The following EFCAB8 variants were observed in gnomAD, a reference collection of about 807,000 sequenced individuals.
EFCAB8 encodes the protein EF-hand calcium-binding domain-containing protein 8.
A neutral mutation model predicts 116.3 loss-of-function variants in EFCAB8; 100 were observed. That is an observed-to-expected ratio of 0.86 (90% CI 0.73 to 1.02). The LOEUF (loss-of-function observed/expected upper bound fraction) is 1.02, where lower values mean the gene tolerates loss of function less well. Among genes scored for constraint, EFCAB8 ranks in the 50% least tolerant of loss-of-function variants. The pLI is 0.00. For missense variants in EFCAB8, 1,320 were observed against 1,416.9 expected (o/e 0.93, Z 1.10); for synonymous variants, 558 against 567.9 (o/e 0.98, Z 0.25).
intron 23 of EFCAB8, among the ~76,000 whole-genome samples, chr20:32,948,957 G>A (rs766297312): frequency 2.0e-4 from 31 of 152,012 alleles, no homozygotes; most frequent in Non-Finnish European, 4.0e-4. Flanking sequence ...ATGTCACTTC[G>A]ATTCAAAATT....
intron 14 of EFCAB8, among the ~76,000 whole-genome samples, chr20:32,909,152 G>A (rs1363079531): frequency 6.6e-6 from 1 of 152,194 alleles, no homozygotes; most frequent in Non-Finnish European, 1.5e-5. Context: ...CACCCTGGTC[G>A]GTGACATGTG....
intron 4 of EFCAB8, among the ~76,000 whole-genome samples, chr20:32,878,075 G>A (rs889171456): frequency 1.3e-5 from 2 of 152,096 alleles, no homozygotes; most frequent in Admixed American, 1.3e-4. Context: ...AGACCAGCCT[G>A]GGCAACATGG....
chr20:32,938,534 A>G (rs1568941119), intron 22 of EFCAB8, among the ~76,000 whole-genome samples: 2 of 149,928 alleles, frequency 1.3e-5, no homozygotes, highest in African/African-American at 5.0e-5. Context: ...ATAATCTTAT[A>G]TCTAGAAAAT....
intron 22 of EFCAB8, among the ~76,000 whole-genome samples, chr20:32,934,714 T>C (rs1263015382): frequency 6.6e-6 from 1 of 152,176 alleles, no homozygotes; most frequent in African/African-American, 2.4e-5. Flanking sequence ...AGAGATATGA[T>C]GGCTTTATAA....
chr20:32,960,146 C>T lies in EFCAB8; in HGVS notation c.3378C>T (p.Gly1126=). ...TRFLSTRVPY[G]WMKHQISPQV... Reference sequence around the variant, plus strand: ...TCCTGTCCACCAGGGTGCCATATGGCTGGATGAAGCATCAGGTAAGGTGGG... The same window carrying T: ...TCCTGTCCACCAGGGTGCCATATGGTTGGATGAAGCATCAGGTAAGGTGGG... Residue 1126 remains glycine (G), a synonymous_variant, in exon 26 of 27, where the codon GGC becomes GGT. Transcript: ENST00000400522. 6.4e-7 allele frequency: 1 copy of T among 1,551,684 alleles called. No homozygotes were observed. The highest frequency in any genetic ancestry group is 8.7e-7 in the Non-Finnish European group (1 of 1,146,982).
At chr20:32,947,712 G>A (rs548688078) in intron 23 of EFCAB8, among the ~76,000 whole-genome samples, 87 of 151,888 alleles carry the variant, frequency 5.7e-4, no homozygotes, top group Non-Finnish European at 5.2e-4. Context: ...CAGTAGTAAC[G>A]GGGAAATTTG....
At chr20:32,920,236 G>T in intron 20 of EFCAB8, 21 bp downstream of exon 20, 1 of 1,551,366 alleles carries the variant, frequency 6.4e-7, no homozygotes, top group South Asian at 1.2e-5. Flanking sequence ...ATCAGCCAGG[G>T]AGAGGGATAT....
intron 3 of EFCAB8, among the ~76,000 whole-genome samples, chr20:32,874,538 A>C (rs949675713): frequency 6.7e-6 from 1 of 148,738 alleles, no homozygotes; most frequent in Admixed American, 6.7e-5. Flanking sequence ...TTCTACTTTT[A>C]TTTTCTTTCC....
At chr20:32,896,293 C>T (rs1466105985) in intron 9 of EFCAB8, among the ~76,000 whole-genome samples, 161 bp from the exon 10 acceptor site, 1 of 152,014 alleles carries the variant, frequency 6.6e-6, no homozygotes, top group Admixed American at 6.6e-5. Context: ...GCACTCCGCT[C>T]AGCTCACCAG....
chr20:32,859,740 C>T (rs370895375), intron 1 of EFCAB8, among the ~76,000 whole-genome samples: 4 of 152,254 alleles, frequency 2.6e-5, no homozygotes, highest in African/African-American at 7.2e-5. Flanking sequence ...TGCCCTTTTA[C>T]CCCTAAATAC....
Position 32,961,293 on chromosome 20 carries a change from C to T in EFCAB8, c.3551C>T (p.Ala1184Val). The change falls in exon 27 of 27, where the codon GCT becomes GTT. Residue 1184 changes from alanine to valine, a missense_variant. Physicochemically the swap from Ala to Val is moderately conservative, Grantham distance 64. Transcript: ENST00000400522. ...QKDLVPSREQAVLDTTDSTPA... is the reference protein window; with the variant it reads ...QKDLVPSREQVVLDTTDSTPA... ...GACCTGGTGCCCAGCAGGGAGCAGG[C>T]TGTGCTGGATACCACGGACAGCACG... is the stretch of plus-strand genomic sequence containing the variant. The T allele has an allele frequency of 6.5e-7, 1 of 1,547,068 alleles. No homozygotes were observed.
At chr20:32,870,529 C>T (rs986643244) in intron 3 of EFCAB8, among the ~76,000 whole-genome samples, 1 of 152,084 alleles carries the variant, frequency 6.6e-6, no homozygotes, top group Admixed American at 6.6e-5. Flanking sequence ...GACAGGGTCT[C>T]GCTTGGTTGC....
At chr20:32,923,258 G>C (rs1177056097) in intron 20 of EFCAB8, among the ~76,000 whole-genome samples, 1 of 151,992 alleles carries the variant, frequency 6.6e-6, no homozygotes, top group Non-Finnish European at 1.5e-5. Context: ...GGCTGAGGTG[G>C]GCAGATTGCC....
At chr20:32,928,245 T>TA (rs900031276) in intron 20 of EFCAB8, among the ~76,000 whole-genome samples, 57 of 140,996 alleles carry the variant, frequency 4.0e-4, no homozygotes, top group African/African-American at 1.4e-3. Flanking sequence ...TTTTTATTTT[T>TA]TTTTTTTTGA....
intron 23 of EFCAB8, among the ~76,000 whole-genome samples, chr20:32,953,410 TC>T (rs532176620): frequency 6.6e-5 from 10 of 152,218 alleles, no homozygotes; most frequent in Non-Finnish European, 1.2e-4. Context: ...CATACTGTTT[TC>T]CATAGCACAT....
rs184152098 is a variant in EFCAB8, at chr20:32,961,249, G to A, written c.3507G>A (p.Val1169=). ...PDQQDQHIRL[V]AHHVQKDLVP... ...AGCAAGACCAGCACATCCGCCTGGT[G>A]GCCCACCATGTCCAGAAGGACCTGG... is the stretch of plus-strand genomic sequence containing the variant. The change falls in exon 27 of 27, where the codon GTG becomes GTA. Residue 1169 remains valine, a synonymous_variant. Transcript: ENST00000400522. 1.7e-5 allele frequency: 26 copies of A among 1,551,558 alleles called. No individual in the cohort carries two copies. In the East Asian group the frequency reaches 6.4e-4, roughly 38 times the overall value.
At chr20:32,924,137 T>A (rs529293159) in intron 20 of EFCAB8, among the ~76,000 whole-genome samples, 1 of 152,294 alleles carries the variant, frequency 6.6e-6, no homozygotes, top group African/African-American at 2.4e-5. Flanking sequence ...CATTGTAGCC[T>A]CCACTTCCCA....
chr20:32,961,340 TCTTC>T lies in EFCAB8; in HGVS notation c.3602_3605del (p.Ser1201CysfsTer20). ...CACGCCTGCGGCCGCCTCCTCCCCA[TCTTC>T]CTTGTTATCTGTCACTGCCTCAGCC... On this transcript the variant is annotated frameshift_variant, in exon 27 of 27. Coordinates refer to ENST00000400522, the MANE Select transcript of EFCAB8 (RefSeq NM_001143967.2). LOFTEE classifies it low-confidence loss of function (END_TRUNC). 1 of 1,481,360 alleles carries T rather than the reference TCTTC, an allele frequency of 6.8e-7. No individual in the cohort carries two copies. The highest frequency in any genetic ancestry group is 9.0e-7 in the Non-Finnish European group (1 of 1,115,738). 91.8% of individuals were successfully genotyped at this position (1,481,360 alleles called of 1,614,324 possible). A position where few individuals can be genotyped will look rare whatever the true frequency, so the allele number is the denominator to read the frequency against.
At chr20:32,920,505 A>T in intron 20 of EFCAB8, among the ~76,000 whole-genome samples, 1 of 152,142 alleles carries the variant, frequency 6.6e-6, no homozygotes, top group East Asian at 1.9e-4. Context: ...GCTGGGGAAG[A>T]CCTCACAATC....
Sources: allele counts gnomAD v4.1 joint callset (sites outside exome capture counted in the v4.1 genomes callset), GRCh38; gene constraint gnomAD v4.1.1; transcripts MANE v1.5; gene names NCBI Gene and HGNC (gene_info 2026-07-23, HGNC 2026-07-21).